Variants in ALMS1 observed in about 807,000 individuals in gnomAD.
ALMS1 encodes the protein centrosome-associated protein ALMS1.
Under a neutral mutation model 352.2 loss-of-function variants are expected in ALMS1, and 271 were observed. The observed-to-expected ratio is 0.77, with a 90% confidence interval of 0.70 to 0.85. The LOEUF (loss-of-function observed/expected upper bound fraction) is 0.85, where lower values mean the gene tolerates loss of function less well. ALMS1 is among the 40% of genes least tolerant of loss of function. The pLI is 0.00. For missense variants in ALMS1, 5,445 were observed against 4,870.7 expected (o/e 1.12, Z -3.51); for synonymous variants, 1,865 against 1,761.2 (o/e 1.06, Z -1.48).
chr2:73,490,444 A>G lies in ALMS1; in HGVS notation c.8485A>G (p.Asn2829Asp), dbSNP rs1300409766. ...GSHSEPSTRANCSNFKEIQIS... is the reference protein window; with the variant it reads ...GSHSEPSTRADCSNFKEIQIS... Reference sequence around the variant, plus strand: ...TCATTCTGAGCCCAGTACCAGGGCAAATTGTAGCAATTTCAAGGAAATTCA... The same window carrying G: ...TCATTCTGAGCCCAGTACCAGGGCAGATTGTAGCAATTTCAAGGAAATTCA... Residue 2829 changes from asparagine (N) to aspartate (D), a missense_variant, in exon 10 of 23, where the codon AAT (asparagine) becomes GAT (aspartate). Coordinates refer to ENST00000613296, the MANE Select transcript of ALMS1 (RefSeq NM_001378454.1). 2.5e-6 allele frequency: 4 copies of G among 1,614,048 alleles called. No individual in the cohort carries two copies. The highest frequency in any genetic ancestry group is 3.4e-6 in the Non-Finnish European group (4 of 1,180,044).
chr2:73,533,972 T>C (rs1673976004), intron 11 of ALMS1, among the ~76,000 whole-genome samples: 1 of 152,196 alleles, frequency 6.6e-6, no homozygotes, highest in Non-Finnish European at 1.5e-5. Flanking sequence ...CAGGAAAATC[T>C]TTATTCACAG....
At chr2:73,482,777 A>G (rs1254123972) in intron 9 of ALMS1, among the ~76,000 whole-genome samples, 1 of 151,658 alleles carries the variant, frequency 6.6e-6, no homozygotes, top group Non-Finnish European at 1.5e-5. Flanking sequence ...GTCTATTCAG[A>G]GATTCAACTT....
chr2:73,465,826 A>G (rs1572949011), intron 9 of ALMS1, among the ~76,000 whole-genome samples: 1 of 152,234 alleles, frequency 6.6e-6, no homozygotes, highest in African/African-American at 2.4e-5. Context: ...TGGGTGAAGG[A>G]TATGAACAGA....
intron 8 of ALMS1, 123 bp downstream of exon 8, chr2:73,454,190 G>A (rs1672011537): frequency 6.7e-7 from 1 of 1,487,052 alleles, no homozygotes; most frequent in Non-Finnish European, 8.9e-7. Context: ...AAAAAATGAA[G>A]TTAGATATTT....
rs1448665150 is a variant in ALMS1, at chr2:73,449,556, G to A, written c.3029G>A (p.Ser1010Asn). 3 of 1,613,922 alleles carry A rather than the reference G, an allele frequency of 1.9e-6. No individual in the cohort carries two copies. Among genetic ancestry groups the A allele is most frequent in the Non-Finnish European group, 2.5e-6 (3 of 1,179,992 alleles). The change falls in exon 8 of 23, where the codon AGT becomes AAT. Residue 1010 changes from serine to asparagine, a missense_variant. Coordinates refer to ENST00000613296, the MANE Select transcript of ALMS1 (RefSeq NM_001378454.1). ...TCCTTCTCACATAGAGAGAAGCCCAGTATTTTCTATCAACAGGAGTGGCCA... is the reference window on the plus strand; with the variant it reads ...TCCTTCTCACATAGAGAGAAGCCCAATATTTTCTATCAACAGGAGTGGCCA... The part of the protein sequence containing the change: ...SGSFSHREKP[S>N]IFYQQEWPDS...
Position 73,451,407 on chromosome 2 carries a change from T to G in ALMS1, c.4880T>G (p.Phe1627Cys). The G allele has an allele frequency of 6.2e-7, 1 of 1,613,856 alleles. No homozygotes were observed. Among genetic ancestry groups the G allele is most frequent in the South Asian group, 1.1e-5 (1 of 91,060 alleles). ...GCACTTGGAGAGAAGCCCATTACTT[T>G]CTACCGGCAGGCTCTGCTAGACAGT... ...SSALGEKPIT[F>C]YRQALLDSPL... The change falls in exon 8 of 23, where the codon TTC (phenylalanine) becomes TGC (cysteine). Residue 1627 changes from phenylalanine (F) to cysteine (C), a missense_variant. Phe to Cys is a radical substitution (Grantham distance 205). Coordinates refer to ENST00000613296, the MANE Select transcript of ALMS1 (RefSeq NM_001378454.1).
intron 10 of ALMS1, among the ~76,000 whole-genome samples, chr2:73,491,941 A>G (rs753651786): frequency 2.0e-5 from 3 of 152,106 alleles, no homozygotes; most frequent in Non-Finnish European, 4.4e-5. Flanking sequence ...TCAAATATTT[A>G]GTATTTACAA....
intron 9 of ALMS1, among the ~76,000 whole-genome samples, chr2:73,482,615 C>G (rs1178418934): frequency 1.3e-5 from 2 of 152,184 alleles, no homozygotes; most frequent in East Asian, 1.9e-4. Flanking sequence ...GGAGGATTCC[C>G]TCTTTTTCCA....
intron 16 of ALMS1, among the ~76,000 whole-genome samples, chr2:73,577,143 G>C (rs1675070497): frequency 6.6e-6 from 1 of 152,030 alleles, no homozygotes; most frequent in African/African-American, 2.4e-5. Context: ...TTTATATCAG[G>C]GTACTACTGG....
At position 73,426,467 on chromosome 2, in the gene ALMS1, A is replaced by G. The variant is rs760066942; in HGVS notation, c.1252A>G (p.Lys418Glu). Residue 418 changes from lysine to glutamate, a missense_variant, in exon 6 of 23, where the codon AAG becomes GAG. Coordinates refer to ENST00000613296, the MANE Select transcript of ALMS1 (RefSeq NM_001378454.1). ...CTATTTTGTAGAGGGCCTGCAGGGG[A>G]AGGTTGAGTCTGACGTCATTACTCT... Reference protein sequence around the residue: ...ETYLTKGLQGKVESDVITLDG... With the variant: ...ETYLTKGLQGEVESDVITLDG... The G allele has an allele frequency of 3.7e-6, 6 of 1,614,034 alleles. No homozygotes were observed. Among genetic ancestry groups the G allele is most frequent in the Middle Eastern group, 1.6e-4 (1 of 6,062 alleles).
At chr2:73,542,550 A>G (rs553312912) in intron 12 of ALMS1, among the ~76,000 whole-genome samples, 11 of 152,308 alleles carry the variant, frequency 7.2e-5, no homozygotes, top group South Asian at 2.1e-4. Flanking sequence ...AGGGTATTCA[A>G]TTAGGAAAAG....
chr2:73,460,366 G>C (rs1418547072), intron 9 of ALMS1, among the ~76,000 whole-genome samples: 1 of 152,140 alleles, frequency 6.6e-6, no homozygotes, highest in Non-Finnish European at 1.5e-5. Flanking sequence ...ATCTAGAATT[G>C]CATGTCAGTG....
chr2:73,572,560 T>G lies in ALMS1; in HGVS notation c.10683T>G (p.Asp3561Glu), dbSNP rs1357578376. 6.2e-7 allele frequency: 1 copy of G among 1,613,756 alleles called. No individual in the cohort carries two copies. The highest frequency in any genetic ancestry group is 8.5e-7 in the Non-Finnish European group (1 of 1,179,992). Residue 3561 changes from aspartate to glutamate, a missense_variant, in exon 16 of 23, where the codon GAT becomes GAG. Transcript: ENST00000613296. ...NVNLGNKEVM[D>E]TTKSQVRDYP... is the part of the protein sequence containing the mutation. The stretch of plus-strand genomic sequence containing the variant: ...ATTTGGGAAACAAAGAAGTGATGGA[T>G]ACTACTAAAAGTCAAGTTAGAGATT...
chr2:73,600,754 C>A lies in ALMS1; in HGVS notation c.11745C>A (p.Ser3915Arg), dbSNP rs147831309. 6.2e-7 allele frequency: 1 copy of A among 1,614,058 alleles called. No individual in the cohort carries two copies. The highest frequency in any genetic ancestry group is 2.2e-5 in the East Asian group (1 of 44,878). Residue 3915 changes from serine to arginine, a missense_variant, in exon 18 of 23, where the codon AGC becomes AGA. Ser to Arg is a moderately radical substitution (Grantham distance 110, BLOSUM62 -1). Transcript: ENST00000613296. ...TAACTTTCCCAACTCCAAGTTCCAG[C>A]GAGGCTAAATTGGAAGAGAACAGTG... Reference protein sequence around the residue: ...VGITFPTPSSSEAKLEENSDV... With the variant: ...VGITFPTPSSREAKLEENSDV...
chr2:73,450,438 G>A lies in ALMS1; in HGVS notation c.3911G>A (p.Ser1304Asn), dbSNP rs1188032734. ...SIFYQQSLPS[S>N]HLTEEAKNVS... ...TTCTACCAACAGTCGTTGCCAAGTAGTCATCTAACTGAAGAGGCTAAGAAT... is the reference window on the plus strand; with the variant it reads ...TTCTACCAACAGTCGTTGCCAAGTAATCATCTAACTGAAGAGGCTAAGAAT... Residue 1304 changes from serine (S) to asparagine (N), a missense_variant, in exon 8 of 23, where the codon AGT becomes AAT. By Grantham distance (46) the Ser-to-Asn change is conservative. Coordinates refer to ENST00000613296, the MANE Select transcript of ALMS1 (RefSeq NM_001378454.1). The A allele has an allele frequency of 1.2e-6, 2 of 1,613,632 alleles. No individual in the cohort carries two copies. Among genetic ancestry groups the A allele is most frequent in the Admixed American group, 1.7e-5 (1 of 59,940 alleles).
In ALMS1 at chr2:73,498,760, A is replaced by G. The variant is rs374901679; in HGVS notation, c.9539+7262A>G. 5.5e-4 allele frequency among the ~76,000 whole-genome samples: 83 copies of G among 152,226 alleles called. No individual in the cohort carries two copies. The South Asian group carries it at 0.016, about 29-fold the overall frequency. On this transcript the variant is annotated intron_variant, in intron 10 of 22. Transcript: ENST00000613296. ...AAATGACTGGATCTCATCATTTTCTATGTCTGAATAGTACTCCACTGTGTA... is the reference window on the plus strand; with the variant it reads ...AAATGACTGGATCTCATCATTTTCTGTGTCTGAATAGTACTCCACTGTGTA...
chr2:73,487,961 G>T (rs1279260702), intron 9 of ALMS1, among the ~76,000 whole-genome samples: 1 of 152,206 alleles, frequency 6.6e-6, no homozygotes, highest in Non-Finnish European at 1.5e-5. Context: ...TCCAAGTCTG[G>T]CTGAGTCCAG....
chr2:73,448,806 A>G lies in ALMS1; in HGVS notation c.2279A>G (p.Gln760Arg), dbSNP rs1572932391. ...ADQKTEIPAV[Q>R]SSSYSQREKP... is the part of the protein sequence containing the mutation. ...CAGAAGACTGAGATACCAGCAGTAC[A>G]GTCTAGTTCTTACTCACAAAGAGAA... Residue 760 changes from glutamine (Q) to arginine (R), a missense_variant, in exon 8 of 23, where the codon CAG becomes CGG. Coordinates refer to ENST00000613296, the MANE Select transcript of ALMS1 (RefSeq NM_001378454.1). The G allele has an allele frequency of 6.2e-7, 1 of 1,613,908 alleles. No homozygotes were observed. The highest frequency in any genetic ancestry group is 8.5e-7 in the Non-Finnish European group (1 of 1,179,932).
At chr2:73,471,924 G>A (rs1264410713) in intron 9 of ALMS1, among the ~76,000 whole-genome samples, 2 of 151,986 alleles carry the variant, frequency 1.3e-5, no homozygotes. Context: ...ATTAATCACA[G>A]TAGCCAAGAT....
Sources: allele counts gnomAD v4.1 joint callset (sites outside exome capture counted in the v4.1 genomes callset), GRCh38; gene constraint gnomAD v4.1.1; transcripts MANE v1.5; gene names NCBI Gene and HGNC (gene_info 2026-07-23, HGNC 2026-07-21).